Variants in CSMD1 observed in about 807,000 individuals in gnomAD.
The protein encoded by CSMD1 is CUB and sushi domain-containing protein 1.
Under a neutral mutation model 417.5 loss-of-function variants are expected in CSMD1, and 213 were observed. The observed-to-expected ratio is 0.51, with a 90% confidence interval of 0.46 to 0.57. The LOEUF (loss-of-function observed/expected upper bound fraction) is 0.57, where lower values mean the gene tolerates loss of function less well. Among genes scored for constraint, CSMD1 ranks in the 20% least tolerant of loss-of-function variants. The pLI, the probability that CSMD1 is intolerant of heterozygous loss-of-function variation, is 0.00. For synonymous variants in CSMD1, 2,862 were observed against 1,736.8 expected (o/e 1.65, Z -16.11); for missense variants, 6,923 against 4,529.7 (o/e 1.53, Z -15.17).
In CSMD1 at chr8:3,882,988, A is replaced by C. The variant is rs76603113; in HGVS notation, c.818+114915T>G. Among the ~76,000 whole-genome samples, 98 of 152,278 alleles carry C rather than the reference A, an allele frequency of 6.4e-4. No individual in the cohort carries two copies. In the Middle Eastern group the frequency reaches 0.01, roughly 16 times the overall value. ...AAAGTTTGTTGACTCTCAATAGCTG[A>C]TATGTGCACACTTCTGCATGCATAT... On this transcript the variant is annotated intron_variant, in intron 5 of 69. Coordinates refer to ENST00000635120, the MANE Select transcript of CSMD1 (RefSeq NM_033225.6).
intron 23 of CSMD1, among the ~76,000 whole-genome samples, chr8:3,321,356 A>C (rs983357866): frequency 6.6e-6 from 1 of 151,802 alleles, no homozygotes; most frequent in Non-Finnish European, 1.5e-5. Context: ...TATTGTCCAG[A>C]TCCTCCCTGC....
At chr8:3,465,300 G>T (rs951829456) in intron 12 of CSMD1, among the ~76,000 whole-genome samples, 1 of 152,160 alleles carries the variant, frequency 6.6e-6, no homozygotes, top group African/African-American at 2.4e-5. Context: ...CATTAACTGA[G>T]TAGACCCTCC....
At chr8:4,319,286 C>G (rs1038157426) in intron 3 of CSMD1, among the ~76,000 whole-genome samples, 1 of 152,018 alleles carries the variant, frequency 6.6e-6, no homozygotes, top group Admixed American at 6.6e-5. Context: ...ATGTCCTTTC[C>G]TTGCTTTTAA....
At chr8:4,757,357 A>C (rs750919686) in intron 1 of CSMD1, among the ~76,000 whole-genome samples, 15 of 152,286 alleles carry the variant, frequency 9.8e-5, no homozygotes, top group Middle Eastern at 3.4e-3. Context: ...CTAGGCCCCA[A>C]CTCAGTCTTT....
chr8:3,218,271 G>A (rs1264648679), intron 29 of CSMD1, among the ~76,000 whole-genome samples: 1 of 152,152 alleles, frequency 6.6e-6, no homozygotes, highest in Non-Finnish European at 1.5e-5. Flanking sequence ...GAGATAAAAT[G>A]AAGTTATTGG....
At chr8:4,064,214 G>T (rs1489982294) in intron 3 of CSMD1, among the ~76,000 whole-genome samples, 1 of 152,162 alleles carries the variant, frequency 6.6e-6, no homozygotes, top group Non-Finnish European at 1.5e-5. Flanking sequence ...GCTCAGATTT[G>T]TTTCTGCATC....
At chr8:4,185,689 G>C (rs1392978360) in intron 3 of CSMD1, among the ~76,000 whole-genome samples, 2 of 152,128 alleles carry the variant, frequency 1.3e-5, no homozygotes, top group Non-Finnish European at 2.9e-5. Flanking sequence ...TGAATGTCTA[G>C]TTTGAAGACA....
intron 3 of CSMD1, among the ~76,000 whole-genome samples, chr8:4,402,249 C>T (rs1276401312): frequency 6.6e-6 from 1 of 152,138 alleles, no homozygotes; most frequent in Non-Finnish European, 1.5e-5. Flanking sequence ...CCTCCAGGAA[C>T]ATCATAAACT....
intron 3 of CSMD1, among the ~76,000 whole-genome samples, chr8:4,144,347 C>T (rs1803980798): frequency 6.6e-6 from 1 of 151,196 alleles, no homozygotes; most frequent in African/African-American, 2.5e-5. Flanking sequence ...TCTCTTCTTT[C>T]TTCTGTAATT....
chr8:4,925,844 G>C (rs1806831195), intron 1 of CSMD1, among the ~76,000 whole-genome samples: 1 of 152,136 alleles, frequency 6.6e-6, no homozygotes, highest in South Asian at 2.1e-4. Flanking sequence ...CTCGCGCCTG[G>C]CCTCTATCTG....
chr8:4,061,143 C>G, intron 3 of CSMD1, among the ~76,000 whole-genome samples: 1 of 152,132 alleles, frequency 6.6e-6, no homozygotes, highest in East Asian at 1.9e-4. Flanking sequence ...CTCATCTCAT[C>G]CCCATCCTTG....
intron 3 of CSMD1, among the ~76,000 whole-genome samples, chr8:4,327,987 C>G (rs1799652816): frequency 6.6e-6 from 1 of 152,152 alleles, no homozygotes; most frequent in Non-Finnish European, 1.5e-5. Context: ...TTAACATTTA[C>G]CAGTAAACTT....
At chr8:4,016,772 T>C (rs777342599) in intron 4 of CSMD1, among the ~76,000 whole-genome samples, 99 of 152,218 alleles carry the variant, frequency 6.5e-4, no homozygotes, top group Non-Finnish European at 1.2e-3. Context: ...GACCTAAGTT[T>C]ATGTGTATAG....
chr8:4,526,694 G>C (rs1387243805), intron 2 of CSMD1, among the ~76,000 whole-genome samples: 1 of 152,066 alleles, frequency 6.6e-6, no homozygotes, highest in African/African-American at 2.4e-5. Context: ...CAGAAACGTA[G>C]GGTTATTATA....
At chr8:4,156,506 T>C (rs1796842070) in intron 3 of CSMD1, among the ~76,000 whole-genome samples, 1 of 152,206 alleles carries the variant, frequency 6.6e-6, no homozygotes, top group South Asian at 2.1e-4. Context: ...CTTCCTTATG[T>C]GTAATAAAGT....
intron 3 of CSMD1, among the ~76,000 whole-genome samples, chr8:4,163,205 G>C (rs1199711674): frequency 6.6e-6 from 1 of 152,178 alleles, no homozygotes; most frequent in Non-Finnish European, 1.5e-5. Flanking sequence ...CCCTTGGCAG[G>C]TTTTTCAGTA....
chr8:3,361,794 T>C (rs564414027), intron 20 of CSMD1, among the ~76,000 whole-genome samples: 2 of 152,168 alleles, frequency 1.3e-5, no homozygotes, highest in Non-Finnish European at 1.5e-5. Flanking sequence ...ATTTTTACTA[T>C]ATATTGTAGT....
intron 1 of CSMD1, among the ~76,000 whole-genome samples, chr8:4,688,156 T>A (rs2116748066): frequency 6.6e-6 from 1 of 152,236 alleles, no homozygotes; most frequent in East Asian, 1.9e-4. Flanking sequence ...TCTAAGGTAT[T>A]TGATTCTAGG....
At chr8:3,141,493 C>G (rs1472074462) in intron 41 of CSMD1, among the ~76,000 whole-genome samples, 2 of 152,118 alleles carry the variant, frequency 1.3e-5, no homozygotes, top group East Asian at 3.9e-4. Flanking sequence ...AACAAATTAC[C>G]TGTAAGATTA....
Sources: allele counts gnomAD v4.1 joint callset (sites outside exome capture counted in the v4.1 genomes callset), GRCh38; gene constraint gnomAD v4.1.1; transcripts MANE v1.5; gene names NCBI Gene and HGNC (gene_info 2026-07-23, HGNC 2026-07-21).